Variants in CLINT1 observed in about 807,000 individuals in gnomAD.
CLINT1 encodes the protein clathrin interacting protein localized in the trans-Golgi region.
A neutral mutation model predicts 70.4 loss-of-function variants in CLINT1; 15 were observed. That is an observed-to-expected ratio of 0.21 (90% CI 0.14 to 0.33). The LOEUF (loss-of-function observed/expected upper bound fraction) is 0.33. Ranked by LOEUF, CLINT1 falls within the 10% of genes least tolerant of loss-of-function variation. The pLI is 1.00. For missense variants in CLINT1, 615 were observed against 778.1 expected, an observed-to-expected ratio of 0.79 and a Z score of 2.49; for synonymous variants, 227 against 254.7, an observed-to-expected ratio of 0.89 and a Z score of 1.04.
rs771442603 is a variant in CLINT1 at position 157,791,884 on chromosome 5, G to A, written c.1199C>T (p.Ala400Val). Residue 400 changes from alanine to valine, a missense_variant, in exon 10 of 12, where the codon GCG becomes GTG. Physicochemically the swap from Ala to Val is moderately conservative, Grantham distance 64. Around this residue, in one of 2 missense-constraint regions of CLINT1, gnomAD observed 374 missense variants for 409.6 expected, o/e 0.91. Coordinates refer to ENST00000411809, the MANE Select transcript of CLINT1 (RefSeq NM_014666.4). ...TTGTGAGCCACTAACAAGTTCTACC[G>A]CTGGCTGTGAGGCACTGCCAAAGAA... ...GEFFGSASQP[A>V]VELVSGSQSA... 1.1e-5 allele frequency: 17 copies of A among 1,613,828 alleles called. No homozygotes were observed. The highest frequency in any genetic ancestry group is 5.3e-5 in the African/African-American group (4 of 74,912).
chr5:157,793,501 G>C (rs1174283519), intron 9 of CLINT1, among the ~76,000 whole-genome samples: 1 of 152,120 alleles, frequency 6.6e-6, no homozygotes, highest in Non-Finnish European at 1.5e-5. Flanking sequence ...GCGTAAGGTG[G>C]TCAGGTTATA....
chr5:157,830,750 C>G (rs1297501818), intron 1 of CLINT1, among the ~76,000 whole-genome samples: 1 of 111,182 alleles, frequency 9.0e-6, no homozygotes, highest in Admixed American at 9.8e-5. Context: ...GCCCCTCCCT[C>G]TCTCTCCCTC....
intron 7 of CLINT1, among the ~76,000 whole-genome samples, chr5:157,805,245 T>C (rs1476097393): frequency 6.6e-6 from 1 of 152,176 alleles, no homozygotes; most frequent in African/African-American, 2.4e-5. Context: ...TCGGGGAAAG[T>C]GACAAAAACA....
chr5:157,807,633 G>A (rs887479319), intron 6 of CLINT1, among the ~76,000 whole-genome samples: 3 of 151,940 alleles, frequency 2.0e-5, no homozygotes, highest in Non-Finnish European at 4.4e-5. Flanking sequence ...TCATTATCAC[G>A]ATAAATCATG....
intron 1 of CLINT1, among the ~76,000 whole-genome samples, chr5:157,832,070 C>T (rs1763264458): frequency 6.6e-6 from 1 of 152,054 alleles, no homozygotes; most frequent in Non-Finnish European, 1.5e-5. Context: ...TCGCTGCAGT[C>T]TCCACCTCCC....
intron 1 of CLINT1, among the ~76,000 whole-genome samples, chr5:157,840,024 CTG>C (rs1753102506): frequency 6.6e-6 from 1 of 151,712 alleles, no homozygotes; most frequent in African/African-American, 2.4e-5. Flanking sequence ...CGAGACCAGG[CTG>C]TTGCTACTAA....
chr5:157,814,036 C>G (rs754940054), intron 4 of CLINT1, 149 bp downstream of exon 4: 26 of 618,634 alleles, frequency 4.2e-5, no homozygotes, highest in African/African-American at 5.5e-5. Flanking sequence ...AATTAATACT[C>G]TAGGGCCCCA....
chr5:157,806,577 T>C (rs1157627058), intron 6 of CLINT1, among the ~76,000 whole-genome samples: 1 of 151,934 alleles, frequency 6.6e-6, no homozygotes, highest in Non-Finnish European at 1.5e-5. Context: ...CAAAGACTAA[T>C]GTGTGTACAT....
intron 1 of CLINT1, among the ~76,000 whole-genome samples, chr5:157,827,845 T>C (rs540568589): frequency 9.8e-5 from 15 of 152,342 alleles, no homozygotes; most frequent in Middle Eastern, 3.4e-3. Context: ...TGCACACTTA[T>C]GTATTTTTCA....
chr5:157,830,020 C>A (rs1447105548), intron 1 of CLINT1, among the ~76,000 whole-genome samples: 2 of 147,882 alleles, frequency 1.4e-5, no homozygotes, highest in East Asian at 4.0e-4. Flanking sequence ...GCGATGATGC[C>A]TGACTACAGT....
chr5:157,822,431 C>T (rs1434322323), intron 1 of CLINT1, among the ~76,000 whole-genome samples: 5 of 152,180 alleles, frequency 3.3e-5, no homozygotes, highest in Non-Finnish European at 4.4e-5. Flanking sequence ...CCTTTCACCT[C>T]CCGCCATGAT....
intron 1 of CLINT1, among the ~76,000 whole-genome samples, chr5:157,858,372 T>C (rs543619477): frequency 7.8e-4 from 119 of 152,378 alleles, no homozygotes; most frequent in Non-Finnish European, 1.4e-3. Context: ...AACTTCAGGC[T>C]GACCACAATA....
At chr5:157,788,493 A>G (rs753890754) in intron 11 of CLINT1, among the ~76,000 whole-genome samples, 1 of 152,228 alleles carries the variant, frequency 6.6e-6, no homozygotes, top group Non-Finnish European at 1.5e-5. Flanking sequence ...TTGATTTATA[A>G]TAACAAATAG....
intron 11 of CLINT1, among the ~76,000 whole-genome samples, chr5:157,788,706 G>A (rs529335899): frequency 3.0e-4 from 45 of 152,222 alleles, no homozygotes; most frequent in African/African-American, 9.1e-4. Context: ...GGTGCCCCAC[G>A]CCTGTAATCC....
intron 1 of CLINT1, among the ~76,000 whole-genome samples, chr5:157,858,474 A>C (rs1753825698): frequency 6.6e-6 from 1 of 152,206 alleles, no homozygotes; most frequent in South Asian, 2.1e-4. Flanking sequence ...CACCCCAACC[A>C]GGTCTAAGGT....
chr5:157,830,522 C>T lies in CLINT1; in HGVS notation c.42-12975G>A, dbSNP rs1763187599. Reference sequence around the variant, plus strand: ...TTTATTCTTTTCGTAAGAGTAAATGCTTCACACTGCTTTTTAAAAATACTG... The same window carrying T: ...TTTATTCTTTTCGTAAGAGTAAATGTTTCACACTGCTTTTTAAAAATACTG... On this transcript the variant is annotated intron_variant, in intron 1 of 11. Coordinates refer to ENST00000411809, the MANE Select transcript of CLINT1 (RefSeq NM_014666.4). 2.0e-5 allele frequency among the ~76,000 whole-genome samples: 3 copies of T among 151,908 alleles called. No homozygotes were observed. In the South Asian group the frequency reaches 6.2e-4, roughly 32 times the overall value.
intron 8 of CLINT1, among the ~76,000 whole-genome samples, chr5:157,799,293 T>C (rs1165750384): frequency 1.3e-5 from 2 of 152,130 alleles, no homozygotes; most frequent in African/African-American, 4.8e-5. Context: ...TAAGTTAGTG[T>C]ACTAAGAATG....
chr5:157,824,025 A>C (rs898774027), intron 1 of CLINT1, among the ~76,000 whole-genome samples: 120 of 152,192 alleles, frequency 7.9e-4, no homozygotes, highest in Admixed American at 7.2e-3. Flanking sequence ...TGGTCTGTGC[A>C]AAAATTGTCT....
chr5:157,807,921 AAC>A (rs1004633550), intron 6 of CLINT1, among the ~76,000 whole-genome samples: 5 of 151,608 alleles, frequency 3.3e-5, no homozygotes, highest in African/African-American at 9.7e-5. Context: ...TGCCTAAAGT[AAC>A]ACAGTTAGTG....
Sources: allele counts gnomAD v4.1 joint callset (sites outside exome capture counted in the v4.1 genomes callset), GRCh38; gene constraint gnomAD v4.1.1; regional missense constraint gnomAD v4.1.1; transcripts MANE v1.5; gene names NCBI Gene and HGNC (gene_info 2026-07-23, HGNC 2026-07-21).